ZSWIM9: variants seen among roughly 807,000 people sequenced by gnomAD.
The protein encoded by ZSWIM9 is zinc finger SWIM-type containing 9.
Under a neutral mutation model 25.0 loss-of-function variants are expected in ZSWIM9, and 11 were observed. The observed-to-expected ratio is 0.44, with a 90% CI of 0.28 to 0.73. The LOEUF (loss-of-function observed/expected upper bound fraction) is 0.73, where lower values mean the gene tolerates loss of function less well. Ranked by LOEUF, ZSWIM9 falls within the 30% of genes least tolerant of loss-of-function variation. ZSWIM9 has a pLI of 0.16. For missense variants in ZSWIM9, 1,070 were observed against 1,296.5 expected (o/e 0.83, Z 2.68); for synonymous variants, 562 against 582.1 (o/e 0.97, Z 0.50).
In ZSWIM9 at chr19:48,194,909, C is replaced by A; in HGVS notation, c.845C>A (p.Ala282Glu). ...GCGCTCGCGTCGCTGCTGCAGAGCGCGCCAGACGTCAAGGGCCGCGTGCGC... is the reference window on the plus strand; with the variant it reads ...GCGCTCGCGTCGCTGCTGCAGAGCGAGCCAGACGTCAAGGGCCGCGTGCGC... ...RFALASLLQSAPDVKGRVRCL... is the reference protein window; with the variant it reads ...RFALASLLQSEPDVKGRVRCL... The change falls in exon 4 of 4, where the codon GCG (alanine) becomes GAG (glutamate). Residue 282 changes from alanine (A) to glutamate (E), a missense_variant. Coordinates refer to ENST00000614654, the MANE Select transcript of ZSWIM9 (RefSeq NM_199341.4). The surrounding 1 kb of genome is among the most constrained non-coding windows in gnomAD (Gnocchi z 6.0). 7.6e-7 allele frequency: 1 copy of A among 1,313,792 alleles called. No individual in the cohort carries two copies. The highest frequency in any genetic ancestry group is 9.7e-7 in the Non-Finnish European group (1 of 1,034,154). The allele number at this position is 1,313,792 out of a possible 1,614,324, so 81.4% of individuals were successfully genotyped here.
intron 1 of ZSWIM9, 62 bp downstream of exon 1, chr19:48,170,776 G>A (rs2036779868): frequency 6.4e-6 from 1 of 156,274 alleles, no homozygotes; most frequent in South Asian, 1.4e-4. Context: ...AGCTAGGTGG[G>A]ACGGCGGGGC....
At position 48,195,113 on chromosome 19, in the gene ZSWIM9, C is replaced by G; in HGVS notation, c.1049C>G (p.Ala350Gly). The change falls in exon 4 of 4, where the codon GCT (alanine) becomes GGT (glycine). Residue 350 changes from alanine to glycine, a missense_variant. Physicochemically the swap from Ala to Gly is moderately conservative, Grantham distance 60. Around this residue, in one of 4 missense-constraint regions of ZSWIM9, gnomAD observed 184 missense variants for 243.1 expected, o/e 0.76. Transcript: ENST00000614654. The surrounding 1 kb of genome is among the most constrained non-coding windows in gnomAD (Gnocchi z 5.8). Reference sequence around the variant, plus strand: ...CTGTGGTCGCGCCTGTGCCGCCTGGCTGGCGCGTCGTCGCCCGCAGCCTAC... The same window carrying G: ...CTGTGGTCGCGCCTGTGCCGCCTGGGTGGCGCGTCGTCGCCCGCAGCCTAC... ...PGLWSRLCRL[A>G]GASSPAAYDE... 6.8e-7 allele frequency: 1 copy of G among 1,468,548 alleles called. No individual in the cohort carries two copies. Among genetic ancestry groups the G allele is most frequent in the South Asian group, 1.3e-5 (1 of 79,104 alleles). 91.0% of individuals were successfully genotyped at this position (1,468,548 alleles called of 1,614,324 possible). A position where few individuals can be genotyped will look rare whatever the true frequency, so the allele number is the denominator to read the frequency against.
chr19:48,185,021 T>G (rs573199662), intron 3 of ZSWIM9, among the ~76,000 whole-genome samples: 16 of 152,334 alleles, frequency 1.1e-4, no homozygotes, highest in Non-Finnish European at 8.8e-5. Flanking sequence ...GAACAGCTCA[T>G]TCATAGATCA....
intron 2 of ZSWIM9, chr19:48,181,293 A>G (rs1215975572): frequency 6.6e-6 from 1 of 152,150 alleles, no homozygotes; most frequent in African/African-American, 2.4e-5. Flanking sequence ...GGTAACCACT[A>G]TCTAGCCTCC....
In ZSWIM9 at chr19:48,196,175, T is replaced by TC. The variant is rs1555788339; in HGVS notation, c.2111_2112insC (p.Val706GlyfsTer82). 1 of 1,224,172 alleles carries TC rather than the reference T, an allele frequency of 8.2e-7. No homozygotes were observed. The highest frequency in any genetic ancestry group is 1.6e-5 in the African/African-American group (1 of 60,710). 75.8% of individuals were successfully genotyped at this position (1,224,172 alleles called of 1,614,324 possible). A position where few individuals can be genotyped will look rare whatever the true frequency, so the allele number is the denominator to read the frequency against. ...ATTGCAGAGGAGAGGGGAGCGAGGGTGGGGGTCAAAAGAAGAAGGGGCCTG... is the reference window on the plus strand; with the variant it reads ...ATTGCAGAGGAGAGGGGAGCGAGGGTCGGGGGTCAAAAGAAGAAGGGGCCTG... On this transcript the variant is annotated frameshift_variant, in exon 4 of 4. Coordinates refer to ENST00000614654, the MANE Select transcript of ZSWIM9 (RefSeq NM_199341.4). LOFTEE classifies it low-confidence loss of function (END_TRUNC).
At chr19:48,184,921 C>G (rs561002999) in intron 3 of ZSWIM9, among the ~76,000 whole-genome samples, 3 of 152,132 alleles carry the variant, frequency 2.0e-5, no homozygotes, top group Non-Finnish European at 4.4e-5. Flanking sequence ...CTTTGCTGAT[C>G]TAGTAACTCT....
intron 2 of ZSWIM9, among the ~76,000 whole-genome samples, chr19:48,175,593 G>T (rs187262006): frequency 1.1e-4 from 17 of 152,240 alleles, no homozygotes; most frequent in African/African-American, 2.9e-4. Flanking sequence ...AGTAGGGTCA[G>T]TTCTGGGTGG....
rs1465459863 is a variant in ZSWIM9 at position 48,195,745 on chromosome 19, G to A, written c.1681G>A (p.Gly561Arg). ...AGGGCCAGAGATTAGAGACTGGAGG[G>A]GGCCCCAGTTGGAGGGTGAGAAAGA... The part of the protein sequence containing the change: ...LRGPEIRDWR[G>R]PQLEGEKDWG... The change falls in exon 4 of 4, where the codon GGG becomes AGG. Residue 561 changes from glycine (G) to arginine (R), a missense_variant. By Grantham distance (125) the Gly-to-Arg change is moderately radical. Around this residue, in one of 4 missense-constraint regions of ZSWIM9, gnomAD observed 583 missense variants for 624.7 expected, o/e 0.93. Coordinates refer to ENST00000614654, the MANE Select transcript of ZSWIM9 (RefSeq NM_199341.4). This position sits in a 1 kb window ranked among gnomAD's most constrained non-coding sequence, Gnocchi z 5.8. 3 of 1,486,460 alleles carry A rather than the reference G, an allele frequency of 2.0e-6. No individual in the cohort carries two copies. Among genetic ancestry groups the A allele is most frequent in the Non-Finnish European group, 2.7e-6 (3 of 1,125,516 alleles). The allele number at this position is 1,486,460 out of a possible 1,614,324, so 92.1% of individuals were successfully genotyped here. A position where few individuals can be genotyped will look rare whatever the true frequency, so the allele number is the denominator to read the frequency against.
chr19:48,195,499 G>A lies in ZSWIM9; in HGVS notation c.1435G>A (p.Gly479Arg), dbSNP rs1373925876. ...VRGLETGDWG[G>R]APKEGSIWRG... ...GGGCCTGGAGACAGGCGACTGGGGA[G>A]GGGCTCCGAAAGAAGGAAGTATTTG... is the stretch of plus-strand genomic sequence containing the variant. Residue 479 changes from glycine (G) to arginine (R), a missense_variant, in exon 4 of 4, where the codon GGG (glycine) becomes AGG (arginine). Around this residue, in one of 4 missense-constraint regions of ZSWIM9, gnomAD observed 583 missense variants for 624.7 expected, o/e 0.93. Coordinates refer to ENST00000614654, the MANE Select transcript of ZSWIM9 (RefSeq NM_199341.4). The surrounding 1 kb of genome is among the most constrained non-coding windows in gnomAD (Gnocchi z 5.8). 2 of 1,414,416 alleles carry A rather than the reference G, an allele frequency of 1.4e-6. No homozygotes were observed. Among genetic ancestry groups the A allele is most frequent in the East Asian group, 5.5e-5 (2 of 36,230 alleles). 87.6% of individuals were successfully genotyped at this position (1,414,416 alleles called of 1,614,324 possible). A position where few individuals can be genotyped will look rare whatever the true frequency, so the allele number is the denominator to read the frequency against.
chr19:48,195,868 G>A lies in ZSWIM9; in HGVS notation c.1804G>A (p.Asp602Asn). ...TACCTGGAGGGTGGCCCAGCTGGAA[G>A]ATCGCAGGAGTACCACCGACCTGAG... ...GYTWRVAQLEDRRSTTDLRGT... is the reference protein window; with the variant it reads ...GYTWRVAQLENRRSTTDLRGT... Residue 602 changes from aspartate to asparagine, a missense_variant, in exon 4 of 4, where the codon GAT becomes AAT. Physicochemically the swap from Asp to Asn is conservative, Grantham distance 23 (BLOSUM62 1). Around this residue, in one of 4 missense-constraint regions of ZSWIM9, gnomAD observed 583 missense variants for 624.7 expected, o/e 0.93. Transcript: ENST00000614654. The surrounding 1 kb of genome is among the most constrained non-coding windows in gnomAD (Gnocchi z 5.8). 6 of 1,421,072 alleles carry A rather than the reference G, an allele frequency of 4.2e-6. No homozygotes were observed. The highest frequency in any genetic ancestry group is 5.5e-6 in the Non-Finnish European group (6 of 1,092,834). 88.0% of individuals were successfully genotyped at this position (1,421,072 alleles called of 1,614,324 possible). A position where few individuals can be genotyped will look rare whatever the true frequency, so the allele number is the denominator to read the frequency against.
Position 48,194,503 on chromosome 19 carries a change from T to G in ZSWIM9, c.589-150T>G. The G allele has an allele frequency of 1.2e-6, 1 of 813,620 alleles. No homozygotes were observed. Among genetic ancestry groups the G allele is most frequent in the Non-Finnish European group, 1.7e-6 (1 of 581,858 alleles). The allele number at this position is 813,620 out of a possible 1,614,324, so 50.4% of individuals were successfully genotyped here. A position where few individuals can be genotyped will look rare whatever the true frequency, so the allele number is the denominator to read the frequency against. On this transcript the variant is annotated intron_variant, in intron 3 of 3. Coordinates refer to ENST00000614654, the MANE Select transcript of ZSWIM9 (RefSeq NM_199341.4). This position sits in a 1 kb window ranked among gnomAD's most constrained non-coding sequence, Gnocchi z 6.0. Reference sequence around the variant, plus strand: ...TTTTTAACCATTTCCCTGCACTGCCTCCTGCCGGTCAAAAGAATAAATGCA... The same window carrying G: ...TTTTTAACCATTTCCCTGCACTGCCGCCTGCCGGTCAAAAGAATAAATGCA...
In ZSWIM9 at chr19:48,195,488, G is replaced by A; in HGVS notation, c.1424G>A (p.Gly475Asp). 1 of 1,415,258 alleles carries A rather than the reference G, an allele frequency of 7.1e-7. No individual in the cohort carries two copies. Among genetic ancestry groups the A allele is most frequent in the African/African-American group, 1.5e-5 (1 of 66,682 alleles). The allele number at this position is 1,415,258 out of a possible 1,614,324, so 87.7% of individuals were successfully genotyped here. ...ENERVRGLET[G>D]DWGGAPKEGS... is the part of the protein sequence containing the mutation. ...GAGAGGGTGAGGGGCCTGGAGACAG[G>A]CGACTGGGGAGGGGCTCCGAAAGAA... The change falls in exon 4 of 4, where the codon GGC becomes GAC. Residue 475 changes from glycine to aspartate, a missense_variant. Coordinates refer to ENST00000614654, the MANE Select transcript of ZSWIM9 (RefSeq NM_199341.4). This position sits in a 1 kb window ranked among gnomAD's most constrained non-coding sequence, Gnocchi z 5.8.
intron 3 of ZSWIM9, among the ~76,000 whole-genome samples, chr19:48,183,687 A>G (rs1272330880): frequency 6.7e-6 from 1 of 149,396 alleles, no homozygotes; most frequent in Non-Finnish European, 1.5e-5. Context: ...ACCCAGGCTG[A>G]GTGCAGTGGT....
At position 48,182,711 on chromosome 19, in the gene ZSWIM9, G is replaced by C. The variant is rs913823772; in HGVS notation, c.532G>C (p.Val178Leu). The C allele has an allele frequency of 6.5e-6, 10 of 1,535,296 alleles. No individual in the cohort carries two copies. Among genetic ancestry groups the C allele is most frequent in the Non-Finnish European group, 7.9e-6 (9 of 1,146,364 alleles). The change falls in exon 3 of 4, where the codon GTC becomes CTC. Residue 178 changes from valine (V) to leucine (L), a missense_variant. This residue lies in a region of ZSWIM9 where 265 missense variants were observed against 339.0 expected (regional missense o/e 0.78). Transcript: ENST00000614654. This position sits in a 1 kb window ranked among gnomAD's most constrained non-coding sequence, Gnocchi z 4.6. ...LSYCKGRDHG[V>L]LDALHVLEGL... ...CTACTGCAAGGGCCGCGACCACGGC[G>C]TCCTGGACGCCCTGCACGTGCTCGA...
At chr19:48,180,296 A>G (rs929154237) in intron 2 of ZSWIM9, among the ~76,000 whole-genome samples, 6 of 150,104 alleles carry the variant, frequency 4.0e-5, no homozygotes, top group Admixed American at 2.0e-4. Context: ...GATTACAGGC[A>G]TGAGCCACCG....
chr19:48,184,052 C>T (rs2036984529), intron 3 of ZSWIM9, among the ~76,000 whole-genome samples: 1 of 151,648 alleles, frequency 6.6e-6, no homozygotes, highest in Non-Finnish European at 1.5e-5. Context: ...CTGAACCCAC[C>T]ATGCAGATGG....
At chr19:48,171,601 C>T (rs1342438297) in intron 1 of ZSWIM9, among the ~76,000 whole-genome samples, 193 bp from the exon 2 acceptor site, 1 of 151,968 alleles carries the variant, frequency 6.6e-6, no homozygotes, top group African/African-American at 2.4e-5. Flanking sequence ...AGGGATAAGG[C>T]GGTGGGAGGA....
Position 48,172,025 on chromosome 19 carries a change from T to C in ZSWIM9, c.223T>C (p.Tyr75His), listed in dbSNP as rs1181052039. 3.9e-6 allele frequency: 6 copies of C among 1,534,826 alleles called. No individual in the cohort carries two copies. The East Asian group carries it at 1.5e-4, about 38-fold the overall frequency. The change falls in exon 2 of 4, where the codon TAC becomes CAC. Residue 75 changes from tyrosine to histidine, a missense_variant. This residue lies in a region of ZSWIM9 where 265 missense variants were observed against 339.0 expected (regional missense o/e 0.78). Coordinates refer to ENST00000614654, the MANE Select transcript of ZSWIM9 (RefSeq NM_199341.4). ...GCTCATCGACGTGCTCAAGTACAGC[T>C]ACGTGCGGCTTGTGTGCAAGGACGT... ...YTLIDVLKYSYVRLVCKDVRA... is the reference protein window; with the variant it reads ...YTLIDVLKYSHVRLVCKDVRA...
intron 2 of ZSWIM9, among the ~76,000 whole-genome samples, chr19:48,175,635 G>A (rs1332190476): frequency 6.6e-6 from 1 of 152,052 alleles, no homozygotes; most frequent in African/African-American, 2.4e-5. Flanking sequence ...TGTGGGAGAC[G>A]ATGTGGGGGA....
Sources: gnomAD v4.1 joint callset for allele counts (sites outside exome capture counted in the v4.1 genomes callset) on GRCh38, gnomAD v4.1.1 for gene constraint, gnomAD v4.1.1 regional missense constraint, Gnocchi (gnomAD v3.1) non-coding constraint, MANE v1.5 for transcripts, NCBI Gene and HGNC (gene_info 2026-07-23, HGNC 2026-07-21) for gene names.